The following CLPSL1 variants were observed in gnomAD, a reference collection of about 807,000 sequenced individuals.
CLPSL1 encodes the protein colipase like 1.
A neutral mutation model predicts 9.3 loss-of-function variants in CLPSL1; 13 were observed. The observed-to-expected ratio is 1.40, with a 90% CI of 0.91 to 2.22. The LOEUF (loss-of-function observed/expected upper bound fraction) is 2.22, where lower values mean the gene tolerates loss of function less well. Ranked by LOEUF, CLPSL1 falls within the 30% of genes most tolerant of loss-of-function variation. CLPSL1 has a pLI of 0.00. For synonymous variants in CLPSL1, 58 were observed against 56.9 expected (o/e 1.02, Z -0.08); for missense variants, 164 against 146.6 (o/e 1.12, Z -0.61).
In CLPSL1 at chr6:35,782,318, TA is replaced by T. The variant is rs142302458; in HGVS notation, c.99+1110del. On this transcript the variant is annotated intron_variant, in intron 1 of 2. Transcript: ENST00000373861. ...AGAGATAAATGGAACACAGTTACAA[TA>T]TTCTCATTTATTCAACAGTTATGCA... Among the ~76,000 whole-genome samples the T allele has an allele frequency of 7.1e-4, 108 of 152,284 alleles. 1 individual carries two copies. The East Asian group carries it at 0.02, about 28-fold the overall frequency.
downstream of CLPSL1, among the ~76,000 whole-genome samples, chr6:35,791,105 G>A (rs2766591): frequency 0.013 from 1,943 of 151,608 alleles, no homozygotes; most frequent in African/African-American, 0.041. Context: ...CTTCTGCTCA[G>A]AATAATTTTT....
At chr6:35,786,938 G>A (rs1768086237) in intron 1 of CLPSL1, 60 bp from the exon 2 acceptor site, 1 of 1,537,416 alleles carries the variant, frequency 6.5e-7, no homozygotes, top group South Asian at 1.2e-5. Flanking sequence ...AGCCCCAGGC[G>A]GGGCGGCGAG....
At chr6:35,789,755 G>A (rs1446100520), downstream of CLPSL1, among the ~76,000 whole-genome samples, 1 of 152,208 alleles carries the variant, frequency 6.6e-6, no homozygotes, top group Non-Finnish European at 1.5e-5. Context: ...TTAGCTGGGT[G>A]TGGTGGTGCA....
chr6:35,781,101 C>A lies in CLPSL1; in HGVS notation c.-10C>A. On this transcript the variant is annotated 5_prime_UTR_variant, in exon 1 of 3. Transcript: ENST00000373861. ...CTGGACCCTAGAAAAGCCACCACGA[C>A]CTGTGGGCCATGATGCTACCCCAAT... 1.2e-6 allele frequency: 2 copies of A among 1,613,640 alleles called. No homozygotes were observed. The highest frequency in any genetic ancestry group is 2.2e-5 in the South Asian group (2 of 91,048).
chr6:35,783,178 T>C (rs1466166847), intron 1 of CLPSL1, among the ~76,000 whole-genome samples: 1 of 152,176 alleles, frequency 6.6e-6, no homozygotes, highest in Non-Finnish European at 1.5e-5. Context: ...AGATTAGTTT[T>C]GAACTTTGTA....
intron 1 of CLPSL1, 96 bp from the exon 2 acceptor site, chr6:35,786,902 T>G: frequency 7.0e-7 from 1 of 1,435,428 alleles, no homozygotes; most frequent in Non-Finnish European, 9.4e-7. Context: ...GGGAGCAGAG[T>G]CTGGGGAGGA....
chr6:35,781,261 G>A (rs1767962229), intron 1 of CLPSL1, 52 bp downstream of exon 1: 1 of 1,595,630 alleles, frequency 6.3e-7, no homozygotes, highest in Non-Finnish European at 8.5e-7. Flanking sequence ...CCTAAGGCCT[G>A]TACTATTTGG....
At position 35,788,073 on chromosome 6, in the gene CLPSL1, T is replaced by G; in HGVS notation, c.*63T>G. The G allele has an allele frequency of 7.9e-7, 1 of 1,272,958 alleles. No homozygotes were observed. Among genetic ancestry groups the G allele is most frequent in the Non-Finnish European group, 1.1e-6 (1 of 878,426 alleles). 78.9% of individuals were successfully genotyped at this position (1,272,958 alleles called of 1,614,324 possible). A position where few individuals can be genotyped will look rare whatever the true frequency, so the allele number is the denominator to read the frequency against. On this transcript the variant is annotated 3_prime_UTR_variant, in exon 3 of 3. Transcript: ENST00000373861. ...GCTCTCCTCCCTACCCAGAGCTCTGTGTTCACCCTGTTCCCCAGAGCCTCC... is the reference window on the plus strand; with the variant it reads ...GCTCTCCTCCCTACCCAGAGCTCTGGGTTCACCCTGTTCCCCAGAGCCTCC...
intron 1 of CLPSL1, among the ~76,000 whole-genome samples, chr6:35,784,353 T>A (rs1203224123): frequency 1.3e-5 from 2 of 152,182 alleles, no homozygotes; most frequent in African/African-American, 4.8e-5. Context: ...AAATAGATTG[T>A]ACATGTTTCT....
intron 1 of CLPSL1, among the ~76,000 whole-genome samples, chr6:35,782,159 G>A (rs12198562): frequency 0.32 from 47,924 of 152,072 alleles, 7,602 homozygotes; most frequent in Middle Eastern, 0.37. Flanking sequence ...CAAAGCAGGG[G>A]GGTCTCTGGG....
chr6:35,787,669 G>T (rs1287882485), intron 2 of CLPSL1, among the ~76,000 whole-genome samples, 198 bp from the exon 3 acceptor site: 1 of 152,286 alleles, frequency 6.6e-6, no homozygotes, highest in Non-Finnish European at 1.5e-5. Flanking sequence ...GTCTGGAGCT[G>T]GGAGGACACT....
At chr6:35,787,677 A>G (rs917128439) in intron 2 of CLPSL1, among the ~76,000 whole-genome samples, 190 bp from the exon 3 acceptor site, 6 of 152,246 alleles carry the variant, frequency 3.9e-5, no homozygotes, top group Non-Finnish European at 8.8e-5. Context: ...CTGGGAGGAC[A>G]CTGAACAATC....
At chr6:35,789,235 A>G (rs550063641), downstream of CLPSL1, among the ~76,000 whole-genome samples, 228 of 152,334 alleles carry the variant, frequency 1.5e-3, no homozygotes, top group Middle Eastern at 6.8e-3. Context: ...AGGATACCCA[A>G]TGTCAAGAAG....
At position 35,787,852 on chromosome 6, in the gene CLPSL1, T is replaced by C; in HGVS notation, c.223-15T>C. 1 of 1,607,238 alleles carries C rather than the reference T, an allele frequency of 6.2e-7. No homozygotes were observed. The highest frequency in any genetic ancestry group is 8.5e-7 in the Non-Finnish European group (1 of 1,175,196). On this transcript the variant is annotated splice_polypyrimidine_tract_variant and intron_variant, in intron 2 of 2. Coordinates refer to ENST00000373861, the MANE Select transcript of CLPSL1 (RefSeq NM_001010886.5). ...GCTGCCGCCAAGGTCGAGGTCAAAG[T>C]CCTGTCTTTCCCAGGTGTTCTTTGG...
In CLPSL1 at chr6:35,787,880, A is replaced by G; in HGVS notation, c.236A>G (p.Gln79Arg). ...TGTCTTTCCCAGGTGTTCTTTGGCC[A>G]ATATAGAGCGTGTCCCTGCCTGCGG... The part of the protein sequence containing the change: ...SLCQTQVFFG[Q>R]YRACPCLRNL... Residue 79 changes from glutamine to arginine, a missense_variant, in exon 3 of 3, where the codon CAA becomes CGA. Transcript: ENST00000373861. 1 of 1,609,802 alleles carries G rather than the reference A, an allele frequency of 6.2e-7. No homozygotes were observed. Among genetic ancestry groups the G allele is most frequent in the Non-Finnish European group, 8.5e-7 (1 of 1,176,350 alleles).
downstream of CLPSL1, among the ~76,000 whole-genome samples, chr6:35,792,278 A>C (rs1484113384): frequency 1.3e-5 from 2 of 152,266 alleles, no homozygotes; most frequent in African/African-American, 4.8e-5. Flanking sequence ...TGTCTCAAAA[A>C]AAAAAAAAAG....
intron 1 of CLPSL1, among the ~76,000 whole-genome samples, chr6:35,784,550 G>A (rs2766584): frequency 0.61 from 92,740 of 151,952 alleles, 28,421 homozygotes; most frequent in Middle Eastern, 0.69. Context: ...TTTTATTTTT[G>A]GTTTACACTA....
chr6:35,785,442 G>T lies in CLPSL1; in HGVS notation c.100-1556G>T, dbSNP rs183213791. Among the ~76,000 whole-genome samples the T allele has an allele frequency of 7.2e-4, 110 of 152,182 alleles. 1 individual carries two copies. The East Asian group carries it at 0.02, about 27-fold the overall frequency. On this transcript the variant is annotated intron_variant, in intron 1 of 2. Coordinates refer to ENST00000373861, the MANE Select transcript of CLPSL1 (RefSeq NM_001010886.5). ...TCTGCCCGCCTCGGCCTCCCAAAGT[G>T]CTGGGATTACAGGCGTGAGCCACCA...
intron 1 of CLPSL1, among the ~76,000 whole-genome samples, chr6:35,786,175 C>A (rs1274446730): frequency 6.6e-6 from 1 of 152,066 alleles, no homozygotes; most frequent in Non-Finnish European, 1.5e-5. Flanking sequence ...TTGCTTGAAC[C>A]CAGGAGGTGG....
Sources: gnomAD v4.1 joint callset for allele counts (sites outside exome capture counted in the v4.1 genomes callset) on GRCh38, gnomAD v4.1.1 for gene constraint, MANE v1.5 for transcripts, NCBI Gene and HGNC (gene_info 2026-07-23, HGNC 2026-07-21) for gene names.